Variants in DYNC1I1 observed in about 807,000 individuals in gnomAD.
DYNC1I1 encodes cytoplasmic dynein 1 intermediate chain 1.
Under a neutral mutation model 86.6 loss-of-function variants are expected in DYNC1I1, and 43 were observed. The observed-to-expected ratio is 0.50, with a 90% CI of 0.39 to 0.64. The LOEUF is 0.64. Among genes scored for constraint, DYNC1I1 ranks in the 30% least tolerant of loss-of-function variants. The pLI is 0.00. For synonymous variants in DYNC1I1, 262 were observed against 283.7 expected, an observed-to-expected ratio of 0.92 and a Z score of 0.77; for missense variants, 604 against 788.8, an observed-to-expected ratio of 0.77 and a Z score of 2.81.
intron 16 of DYNC1I1, among the ~76,000 whole-genome samples, chr7:96,092,722 GGGGTAGCCT>G (rs1440621070): frequency 6.6e-6 from 1 of 152,162 alleles, no homozygotes; most frequent in Non-Finnish European, 1.5e-5. Context: ...GAGAAGTAGT[GGGGTAGCCT>G]GGGTGGTGGG....
intron 9 of DYNC1I1, among the ~76,000 whole-genome samples, chr7:95,991,167 G>A (rs991283179): frequency 4.6e-5 from 7 of 152,350 alleles, no homozygotes; most frequent in Admixed American, 3.3e-4. Flanking sequence ...TAGTTGCAAA[G>A]TGTGACTTCT....
At chr7:95,780,039 C>T (rs1338641775) in intron 1 of DYNC1I1, among the ~76,000 whole-genome samples, 6 of 152,116 alleles carry the variant, frequency 3.9e-5, no homozygotes, top group Non-Finnish European at 5.9e-5. Context: ...TAATCCTTTT[C>T]GTCTGGCTTT....
chr7:95,890,146 G>T (rs6968905), intron 6 of DYNC1I1, among the ~76,000 whole-genome samples: 1 of 152,020 alleles, frequency 6.6e-6, no homozygotes, highest in Non-Finnish European at 1.5e-5. Flanking sequence ...GTTCATTGCA[G>T]CACTATTCAC....
At chr7:95,841,525 C>T (rs756330636) in intron 5 of DYNC1I1, among the ~76,000 whole-genome samples, 5 of 151,976 alleles carry the variant, frequency 3.3e-5, no homozygotes, top group Admixed American at 2.0e-4. Context: ...AAGTGACCAG[C>T]GAATATTGGG....
chr7:96,100,650 TTGTGTGTGTG>T (rs57129262), downstream of DYNC1I1, among the ~76,000 whole-genome samples: 1 of 142,844 alleles, frequency 7.0e-6, no homozygotes, highest in Non-Finnish European at 1.5e-5. Context: ...TTTGAGGGTT[TTGTGTGTGTG>T]TGTGTGTGTG....
At chr7:95,840,100 C>T (rs552321747) in intron 5 of DYNC1I1, among the ~76,000 whole-genome samples, 18 of 152,050 alleles carry the variant, frequency 1.2e-4, no homozygotes, top group Admixed American at 9.2e-4. Flanking sequence ...CTTTGGGCTT[C>T]CTGAATCTGG....
chr7:95,816,224 G>A (rs940105032), intron 4 of DYNC1I1, among the ~76,000 whole-genome samples: 4 of 152,106 alleles, frequency 2.6e-5, no homozygotes, highest in African/African-American at 9.7e-5. Context: ...GTCTCACTAT[G>A]TTGTCCAGGC....
chr7:96,087,108 A>G (rs949052255), intron 16 of DYNC1I1, among the ~76,000 whole-genome samples: 9 of 152,210 alleles, frequency 5.9e-5, no homozygotes, highest in Admixed American at 2.0e-4. Flanking sequence ...ACACTTAGGC[A>G]ATAATAGTGT....
chr7:95,881,394 A>G (rs2129929), intron 6 of DYNC1I1, among the ~76,000 whole-genome samples: 91,961 of 151,752 alleles, frequency 0.61, 28,287 homozygotes, highest in Non-Finnish European at 0.67. Context: ...GTAAAACCTG[A>G]TCACTATTAC....
chr7:95,858,603 AAC>A (rs1392171580), intron 5 of DYNC1I1, among the ~76,000 whole-genome samples: 1 of 148,884 alleles, frequency 6.7e-6, no homozygotes, highest in Non-Finnish European at 1.5e-5. Context: ...TAGCACCACA[AAC>A]ATGTGTAATG....
intron 5 of DYNC1I1, among the ~76,000 whole-genome samples, chr7:95,837,974 C>T (rs747695214): frequency 1.3e-5 from 2 of 152,204 alleles, no homozygotes; most frequent in Admixed American, 1.3e-4. Context: ...TGTTCCTATT[C>T]GGCCATCTTG....
At chr7:95,792,310 C>T (rs555338169) in intron 1 of DYNC1I1, among the ~76,000 whole-genome samples, 8 of 152,254 alleles carry the variant, frequency 5.3e-5, no homozygotes, top group African/African-American at 1.9e-4. Flanking sequence ...AAATAAGGCA[C>T]CTTGGCATAT....
chr7:96,040,678 G>A (rs1009405155), intron 14 of DYNC1I1, among the ~76,000 whole-genome samples: 9 of 151,768 alleles, frequency 5.9e-5, no homozygotes, highest in South Asian at 2.1e-4. Flanking sequence ...CAAACAGAAC[G>A]TATGCACTAG....
At chr7:96,059,561 TGAG>T (rs1379346172) in intron 14 of DYNC1I1, among the ~76,000 whole-genome samples, 1 of 152,010 alleles carries the variant, frequency 6.6e-6, no homozygotes, top group Non-Finnish European at 1.5e-5. Context: ...CCATAAAAAA[TGAG>T]GACTGATTTC....
chr7:96,065,868 A>G (rs1176638814), intron 14 of DYNC1I1, among the ~76,000 whole-genome samples: 1 of 151,734 alleles, frequency 6.6e-6, no homozygotes, highest in Non-Finnish European at 1.5e-5. Flanking sequence ...CTATTTCTCT[A>G]TTTTTTCTAT....
intron 6 of DYNC1I1, among the ~76,000 whole-genome samples, chr7:95,958,459 G>T (rs530904346): frequency 1.3e-5 from 2 of 152,044 alleles, no homozygotes; most frequent in African/African-American, 4.8e-5. Context: ...GGCCCGGAAA[G>T]CTAAAGAAGA....
intron 1 of DYNC1I1, among the ~76,000 whole-genome samples, chr7:95,786,154 G>T (rs1028734071): frequency 1.3e-5 from 2 of 151,980 alleles, no homozygotes; most frequent in Admixed American, 1.3e-4. Context: ...ATAGCCCTGG[G>T]TCAGTTATGT....
chr7:96,069,957 C>T (rs1790111435), intron 14 of DYNC1I1, among the ~76,000 whole-genome samples: 1 of 152,124 alleles, frequency 6.6e-6, no homozygotes, highest in African/African-American at 2.4e-5. Context: ...AAGTCCTTGC[C>T]TAATTTTGGT....
intron 14 of DYNC1I1, among the ~76,000 whole-genome samples, chr7:96,070,965 A>G (rs1790141733): frequency 6.6e-6 from 1 of 152,228 alleles, no homozygotes; most frequent in Non-Finnish European, 1.5e-5. Context: ...TTATAAAACT[A>G]AAGCTCAATT....
Sources: gnomAD v4.1 joint callset for allele counts (sites outside exome capture counted in the v4.1 genomes callset) on GRCh38, gnomAD v4.1.1 for gene constraint, MANE v1.5 for transcripts, NCBI Gene and HGNC (gene_info 2026-07-23, HGNC 2026-07-21) for gene names.